Variants in SOBP observed in about 807,000 individuals in gnomAD.
SOBP encodes sine oculis-binding protein homolog.
Under a neutral mutation model 53.6 loss-of-function variants are expected in SOBP, and 4 were observed. That is an observed-to-expected ratio of 0.07 (90% CI 0.04 to 0.17). The LOEUF (loss-of-function observed/expected upper bound fraction) is 0.17. Among genes scored for constraint, SOBP ranks in the 10% least tolerant of loss-of-function variants. SOBP has a pLI of 1.00. For synonymous variants in SOBP, 584 were observed against 522.6 expected (o/e 1.12, Z -1.60); for missense variants, 1,088 against 1,204.7 (o/e 0.90, Z 1.43).
intron 5 of SOBP, among the ~76,000 whole-genome samples, chr6:107,632,904 T>C (rs1363226046): frequency 6.6e-6 from 1 of 152,232 alleles, no homozygotes; most frequent in Non-Finnish European, 1.5e-5. Flanking sequence ...TAATTCTAGC[T>C]TGCTGCAACA....
chr6:107,638,456 C>A (rs1358895774), intron 6 of SOBP, among the ~76,000 whole-genome samples: 1 of 152,138 alleles, frequency 6.6e-6, no homozygotes, highest in East Asian at 1.9e-4. Context: ...GGTGATCCAC[C>A]CACCTCGGCC....
chr6:107,630,470 T>C (rs1770658427), intron 5 of SOBP, among the ~76,000 whole-genome samples: 1 of 152,220 alleles, frequency 6.6e-6, no homozygotes, highest in Non-Finnish European at 1.5e-5. Context: ...TATGATGAAA[T>C]CTTTAATTAC....
At chr6:107,530,218 A>G (rs929058007) in intron 3 of SOBP, among the ~76,000 whole-genome samples, 15 of 152,196 alleles carry the variant, frequency 9.9e-5, no homozygotes, top group Non-Finnish European at 2.2e-4. Context: ...TTTAAGTAGA[A>G]AAAAAAATTT....
chr6:107,627,029 G>A (rs1261394213), intron 5 of SOBP, among the ~76,000 whole-genome samples: 1 of 152,180 alleles, frequency 6.6e-6, no homozygotes, highest in Non-Finnish European at 1.5e-5. Context: ...AAACAAAGAG[G>A]CAGGCATTTG....
intron 6 of SOBP, among the ~76,000 whole-genome samples, chr6:107,654,025 A>G (rs1771914519): frequency 6.6e-6 from 1 of 152,236 alleles, no homozygotes; most frequent in Admixed American, 6.5e-5. Context: ...ATTCTTGGCC[A>G]TGCTTCCCTG....
At chr6:107,525,204 A>G (rs1783627678) in intron 3 of SOBP, among the ~76,000 whole-genome samples, 2 of 152,222 alleles carry the variant, frequency 1.3e-5, no homozygotes, top group Non-Finnish European at 2.9e-5. Flanking sequence ...GTGATTACAT[A>G]GGAAAGACAG....
Position 107,644,821 on chromosome 6 carries a change from A to C in SOBP, c.*3+9352A>C, listed in dbSNP as rs538182413. Among the ~76,000 whole-genome samples, 12 of 152,378 alleles carry C rather than the reference A, an allele frequency of 7.9e-5. No individual in the cohort carries two copies. The South Asian group carries it at 2.3e-3, about 29-fold the overall frequency. On this transcript the variant is annotated intron_variant, in intron 6 of 6. Transcript: ENST00000317357. ...AATTAAGGCCAAAGTGCTTGGCAAA[A>C]TAAGTTTTGGTTTTATCCAAACCCA...
intron 4 of SOBP, among the ~76,000 whole-genome samples, chr6:107,585,092 A>G (rs1319384079): frequency 6.6e-6 from 1 of 152,228 alleles, no homozygotes; most frequent in Admixed American, 6.5e-5. Context: ...GCTACTACCA[A>G]GTTTAGCATA....
At chr6:107,520,518 C>T (rs1783452584) in intron 3 of SOBP, among the ~76,000 whole-genome samples, 1 of 152,170 alleles carries the variant, frequency 6.6e-6, no homozygotes, top group Non-Finnish European at 1.5e-5. Context: ...ATTCCGGAGG[C>T]AGCCCAGAAC....
chr6:107,536,603 T>C (rs1784004727), intron 4 of SOBP, among the ~76,000 whole-genome samples: 1 of 152,206 alleles, frequency 6.6e-6, no homozygotes, highest in Non-Finnish European at 1.5e-5. Context: ...AGACTGTCAC[T>C]ATGCAATAAG....
intron 6 of SOBP, among the ~76,000 whole-genome samples, chr6:107,646,316 G>A (rs1771555462): frequency 6.6e-6 from 1 of 152,238 alleles, no homozygotes; most frequent in African/African-American, 2.4e-5. Context: ...CACGGTGGAA[G>A]GAAATCTCAC....
At chr6:107,517,143 G>A (rs147437400) in intron 3 of SOBP, among the ~76,000 whole-genome samples, 6 of 152,302 alleles carry the variant, frequency 3.9e-5, no homozygotes, top group Admixed American at 3.3e-4. Flanking sequence ...AATTATGATA[G>A]TAGGCAAGGA....
At chr6:107,612,986 A>G (rs1234838682) in intron 5 of SOBP, among the ~76,000 whole-genome samples, 5 of 152,230 alleles carry the variant, frequency 3.3e-5, no homozygotes, top group African/African-American at 1.2e-4. Context: ...TTATCCATTC[A>G]TCTGTTGATG....
chr6:107,515,013 TAAC>T (rs1783277213), intron 3 of SOBP: 1 of 152,212 alleles, frequency 6.6e-6, no homozygotes, highest in Non-Finnish European at 1.5e-5. Context: ...TTTTTTAAGA[TAAC>T]AAGTGCTAGG....
At chr6:107,641,511 A>G (rs528689696) in intron 6 of SOBP, among the ~76,000 whole-genome samples, 1 of 152,320 alleles carries the variant, frequency 6.6e-6, no homozygotes, top group South Asian at 2.1e-4. Flanking sequence ...AGAGAGGTGG[A>G]CAGGTCGGTG....
At chr6:107,650,909 A>G (rs560511761) in intron 6 of SOBP, among the ~76,000 whole-genome samples, 1 of 152,336 alleles carries the variant, frequency 6.6e-6, no homozygotes, top group East Asian at 1.9e-4. Flanking sequence ...GCCAAAAGCA[A>G]GGCTACTTGT....
intron 6 of SOBP, among the ~76,000 whole-genome samples, chr6:107,650,150 A>T (rs1771743078): frequency 6.6e-6 from 1 of 152,184 alleles, no homozygotes; most frequent in African/African-American, 2.4e-5. Context: ...TAATTGGTTA[A>T]TTTTTATTGT....
At chr6:107,536,898 C>T (rs1784014712) in intron 4 of SOBP, among the ~76,000 whole-genome samples, 1 of 152,154 alleles carries the variant, frequency 6.6e-6, no homozygotes, top group African/African-American at 2.4e-5. Context: ...TATTTGCTGG[C>T]TTAAAAGTTT....
At position 107,659,274 on chromosome 6, in the gene SOBP, C is replaced by G. The variant is rs1772196127; in HGVS notation, c.*1071C>G. ...AGAAAGATCACCCATGATTCTGTTTCACTGTTTGCTTTCTCCTGTCATGGT... is the reference window on the plus strand; with the variant it reads ...AGAAAGATCACCCATGATTCTGTTTGACTGTTTGCTTTCTCCTGTCATGGT... On this transcript the variant is annotated 3_prime_UTR_variant, in exon 7 of 7. Coordinates refer to ENST00000317357, the MANE Select transcript of SOBP (RefSeq NM_018013.4). 1 of 152,594 alleles carries G rather than the reference C, an allele frequency of 6.6e-6. No homozygotes were observed. The highest frequency in any genetic ancestry group is 2.4e-5 in the African/African-American group (1 of 41,436). 9.5% of individuals were successfully genotyped at this position (152,594 alleles called of 1,614,324 possible).
Sources: allele counts gnomAD v4.1 joint callset (sites outside exome capture counted in the v4.1 genomes callset), GRCh38; gene constraint gnomAD v4.1.1; transcripts MANE v1.5; gene names NCBI Gene and HGNC (gene_info 2026-07-23, HGNC 2026-07-21).